SPRY3: variants seen among roughly 807,000 people sequenced by gnomAD.
SPRY3 encodes sprouty RTK signaling antagonist 3.
SPRY3 carries 15 observed loss-of-function variants against 20.2 expected under a neutral mutation model. The ratio of observed to expected loss-of-function variants is 0.74; its 90% CI spans 0.50 to 1.14. The LOEUF is 1.14. Among genes scored for constraint, SPRY3 ranks in the 50% most tolerant of loss-of-function variants. SPRY3 has a pLI of 0.00. For missense variants in SPRY3, 364 were observed against 363.9 expected (o/e 1.00, Z 0.00); for synonymous variants, 143 against 136.5 (o/e 1.05, Z -0.33).
intron 1 of SPRY3, among the ~76,000 whole-genome samples, chrX:155,617,726 GT>G (rs1327228375): frequency 9.0e-6 from 1 of 111,727 alleles, no homozygotes; most frequent in African/African-American, 3.3e-5. Context: ...GAACTTCTTG[GT>G]TTCAAGACTA....
At chrX:155,757,625 T>TGG (rs2091288441) in intron 2 of SPRY3, among the ~76,000 whole-genome samples, 5 of 152,230 alleles carry the variant, frequency 3.3e-5, no homozygotes, top group Admixed American at 2.6e-4. Flanking sequence ...TATCATGCTT[T>TGG]CTGCATGATA....
At chrX:155,719,301 C>T (rs1018019168) in intron 2 of SPRY3, among the ~76,000 whole-genome samples, 1 of 152,116 alleles carries the variant, frequency 6.6e-6, no homozygotes, top group African/African-American at 2.4e-5. Flanking sequence ...ATCACCAGCC[C>T]TAATGGTCTA....
chrX:155,615,780 T>C (rs1288554005), intron 1 of SPRY3, among the ~76,000 whole-genome samples: 2 of 111,698 alleles, frequency 1.8e-5, no homozygotes, highest in Non-Finnish European at 3.8e-5. Flanking sequence ...ACTCTGGGGA[T>C]ATGAACATTT....
chrX:155,688,711 T>A (rs1213089729), intron 2 of SPRY3, among the ~76,000 whole-genome samples: 1 of 108,865 alleles, frequency 9.2e-6, no homozygotes, highest in Admixed American at 9.8e-5. Context: ...TTTTAAGTTC[T>A]GGGGTACATG....
intron 2 of SPRY3, among the ~76,000 whole-genome samples, chrX:155,728,141 A>T (rs1193340541): frequency 1.3e-5 from 2 of 152,118 alleles, no homozygotes; most frequent in East Asian, 3.9e-4. Flanking sequence ...AGAACAGCAA[A>T]TATTGCAGAA....
chrX:155,748,467 C>G (rs904292476), intron 2 of SPRY3, among the ~76,000 whole-genome samples: 2 of 151,696 alleles, frequency 1.3e-5, no homozygotes, highest in African/African-American at 4.8e-5. Context: ...GTAATTTTGT[C>G]AGCAGAAACC....
At chrX:155,711,128 T>C (rs2090983320) in intron 2 of SPRY3, among the ~76,000 whole-genome samples, 1 of 151,858 alleles carries the variant, frequency 6.6e-6, no homozygotes, top group Non-Finnish European at 1.5e-5. Context: ...TTTTCTTTTA[T>C]TGATGCATAT....
At chrX:155,751,498 T>A (rs964343948) in intron 2 of SPRY3, among the ~76,000 whole-genome samples, 15 of 151,874 alleles carry the variant, frequency 9.9e-5, no homozygotes, top group African/African-American at 3.4e-4. Flanking sequence ...TCTGAATCAG[T>A]CTCATGTCAG....
intron 2 of SPRY3, among the ~76,000 whole-genome samples, chrX:155,708,588 C>A (rs1045727676): frequency 6.6e-6 from 1 of 151,212 alleles, no homozygotes; most frequent in Non-Finnish European, 1.5e-5. Context: ...TTGCTTCAAT[C>A]TTTCTTCATA....
chrX:155,638,923 G>A (rs781792494), intron 1 of SPRY3, among the ~76,000 whole-genome samples: 1 of 111,142 alleles, frequency 9.0e-6, no homozygotes, highest in East Asian at 2.9e-4. Context: ...ATTTCTCTGG[G>A]TCTCTCCTTG....
At chrX:155,653,577 T>C (rs782696191) in intron 1 of SPRY3, among the ~76,000 whole-genome samples, 3 of 111,992 alleles carry the variant, frequency 2.7e-5, no homozygotes, top group Non-Finnish European at 5.6e-5. Flanking sequence ...ATTTCTGGAT[T>C]CTCAATTCCA....
chrX:155,630,686 T>C (rs1227159243), intron 1 of SPRY3, among the ~76,000 whole-genome samples: 1 of 111,308 alleles, frequency 9.0e-6, no homozygotes, highest in East Asian at 2.8e-4. Flanking sequence ...TTTTTAATAG[T>C]TTGGTCATAG....
chrX:155,774,606 C>T (rs201412206), exon 4 of SPRY3: 1 of 1,613,978 alleles, frequency 6.2e-7, no homozygotes, highest in African/African-American at 1.3e-5. Flanking sequence ...GTGGATGCCT[C>T]CATCTGTGCC....
chrX:155,734,750 C>G (rs1231904372), intron 2 of SPRY3, among the ~76,000 whole-genome samples: 1 of 151,466 alleles, frequency 6.6e-6, no homozygotes, highest in Non-Finnish European at 1.5e-5. Context: ...TTCTTTTTTT[C>G]TTGGTTAGCC....
At chrX:155,724,171 T>C (rs1287907186) in intron 2 of SPRY3, among the ~76,000 whole-genome samples, 4 of 152,198 alleles carry the variant, frequency 2.6e-5, no homozygotes, top group Non-Finnish European at 5.9e-5. Flanking sequence ...AGTACCATGC[T>C]GTTTTGGTTA....
chrX:155,758,781 C>A (rs181083501), intron 2 of SPRY3, among the ~76,000 whole-genome samples: 2 of 152,206 alleles, frequency 1.3e-5, no homozygotes, highest in African/African-American at 4.8e-5. Flanking sequence ...GGATGAAGTT[C>A]CTGATAATGA....
intron 1 of SPRY3, among the ~76,000 whole-genome samples, chrX:155,649,056 A>T (rs1196874046): frequency 8.9e-6 from 1 of 111,786 alleles, no homozygotes; most frequent in Non-Finnish European, 1.9e-5. Context: ...ACACCTTCCC[A>T]AGACTAAACC....
intron 2 of SPRY3, among the ~76,000 whole-genome samples, chrX:155,767,159 T>G (rs757840944): frequency 1.3e-5 from 2 of 152,136 alleles, no homozygotes; most frequent in East Asian, 3.9e-4. Flanking sequence ...CGATTCAATT[T>G]CATCTGGATG....
intron 2 of SPRY3, among the ~76,000 whole-genome samples, chrX:155,716,121 C>A (rs994545034): frequency 1.3e-5 from 2 of 152,124 alleles, no homozygotes; most frequent in African/African-American, 4.8e-5. Flanking sequence ...GGGGGATGAA[C>A]AGTGTAGGCT....
Sources: gnomAD v4.1 joint callset for allele counts (sites outside exome capture counted in the v4.1 genomes callset) on GRCh38, gnomAD v4.1.1 for gene constraint, MANE v1.5 for transcripts, NCBI Gene and HGNC (gene_info 2026-07-23, HGNC 2026-07-21) for gene names.